The following ZNF789 variants were observed in gnomAD, a reference collection of about 807,000 sequenced individuals.
ZNF789 encodes zinc finger protein 789.
A neutral mutation model predicts 15.6 loss-of-function variants in ZNF789; 11 were observed. The ratio of observed to expected loss-of-function variants is 0.70; its 90% CI spans 0.44 to 1.16. The LOEUF is 1.16. Among genes scored for constraint, ZNF789 ranks in the 50% most tolerant of loss-of-function variants. The probability of loss-of-function intolerance (pLI) is 0.00; values close to 1 mark genes in which losing one functional copy is unlikely to be tolerated. For synonymous variants in ZNF789, 159 were observed against 176.0 expected (o/e 0.90, Z 0.76); for missense variants, 461 against 512.6 (o/e 0.90, Z 0.97).
chr7:99,482,720 G>A (rs1466252095), intron 3 of ZNF789, among the ~76,000 whole-genome samples: 1 of 152,062 alleles, frequency 6.6e-6, no homozygotes, highest in Non-Finnish European at 1.5e-5. Context: ...CAGGCGTGGT[G>A]GCACATGCCT....
At chr7:99,481,878 T>A (rs777734901) in intron 3 of ZNF789, 17 of 391,964 alleles carry the variant, frequency 4.3e-5, no homozygotes, top group Non-Finnish European at 6.9e-5. Flanking sequence ...AAAAATCACC[T>A]GCAGGCCTAC....
chr7:99,483,269 T>G (rs943223495), intron 3 of ZNF789, among the ~76,000 whole-genome samples: 1 of 151,816 alleles, frequency 6.6e-6, no homozygotes, highest in South Asian at 2.1e-4. Flanking sequence ...AATACAAAAA[T>G]TAGCCGGGTG....
intron 4 of ZNF789, 53 bp from the exon 5 acceptor site, chr7:99,486,423 T>C (rs1437271630): frequency 6.6e-7 from 1 of 1,515,684 alleles, no homozygotes; most frequent in Admixed American, 2.3e-5. Flanking sequence ...TCTCTTCCTT[T>C]TTTTCTTCTG....
intron 3 of ZNF789, chr7:99,480,121 T>A (rs985335781): frequency 3.2e-6 from 1 of 316,584 alleles, no homozygotes. Flanking sequence ...AGGTCAGTAG[T>A]TTGAGACCAG....
chr7:99,474,499 C>T (rs893982446), intron 1 of ZNF789, among the ~76,000 whole-genome samples: 1 of 151,572 alleles, frequency 6.6e-6, no homozygotes, highest in Non-Finnish European at 1.5e-5. Context: ...GAAGCTGAGG[C>T]AGGAGAATGG....
chr7:99,482,757 G>A (rs1799716533), intron 3 of ZNF789, among the ~76,000 whole-genome samples: 1 of 152,182 alleles, frequency 6.6e-6, no homozygotes, highest in Non-Finnish European at 1.5e-5. Context: ...CGGAGGCTGA[G>A]GCAGGAGAGA....
At chr7:99,485,758 G>C (rs1799905312) in intron 4 of ZNF789, among the ~76,000 whole-genome samples, 1 of 152,156 alleles carries the variant, frequency 6.6e-6, no homozygotes, top group Non-Finnish European at 1.5e-5. Context: ...CTTGAACCCA[G>C]GAAGTGGAGG....
chr7:99,486,463 G>C lies in ZNF789; in HGVS notation c.266-13G>C. On this transcript the variant is annotated splice_polypyrimidine_tract_variant and intron_variant, in intron 4 of 4. Coordinates refer to ENST00000331410, the MANE Select transcript of ZNF789 (RefSeq NM_213603.3). ...GGATAGGTCATTTACATCTTTTCTT[G>C]TTATTTGGCTAGGTTCTGAAGCCAG... 1 of 1,596,270 alleles carries C rather than the reference G, an allele frequency of 6.3e-7. No homozygotes were observed. The highest frequency in any genetic ancestry group is 8.5e-7 in the Non-Finnish European group (1 of 1,173,060).
intron 1 of ZNF789, among the ~76,000 whole-genome samples, chr7:99,474,821 A>G (rs1211927247): frequency 6.6e-6 from 1 of 151,800 alleles, no homozygotes; most frequent in Non-Finnish European, 1.5e-5. Flanking sequence ...GGCCCCACCT[A>G]CAAAAGAACT....
Position 99,487,051 on chromosome 7 carries a change from A to G in ZNF789, c.841A>G (p.Lys281Glu). The change falls in exon 5 of 5, where the codon AAA becomes GAA. Residue 281 changes from lysine (K) to glutamate (E), a missense_variant. Transcript: ENST00000331410. ...YLVEHKRIHT[K>E]EKPYKCSKCE... ...TGTTGAACATAAGAGGATTCACACCAAAGAAAAACCTTATAAATGTAGCAA... is the reference window on the plus strand; with the variant it reads ...TGTTGAACATAAGAGGATTCACACCGAAGAAAAACCTTATAAATGTAGCAA... The G allele has an allele frequency of 6.2e-7, 1 of 1,614,144 alleles. No homozygotes were observed. Among genetic ancestry groups the G allele is most frequent in the Non-Finnish European group, 8.5e-7 (1 of 1,180,036 alleles).
At chr7:99,482,288 T>C (rs575284007) in intron 3 of ZNF789, 168 of 769,142 alleles carry the variant, frequency 2.2e-4, no homozygotes, top group Middle Eastern at 7.2e-4. Context: ...GTATGAACAT[T>C]GTTCAGGCTT....
Position 99,479,881 on chromosome 7 carries a change from C to T in ZNF789, c.151+94C>T, listed in dbSNP as rs143540745. ...TCTGCAATTCCAGAATCAGAAAAAG[C>T]GGTGAAAACCGAAAGGTTTTTTTAT... On this transcript the variant is annotated intron_variant, in intron 3 of 4. Transcript: ENST00000331410. 205 of 1,454,794 alleles carry T rather than the reference C, an allele frequency of 1.4e-4. 2 individuals are homozygous for T. The African/African-American group carries it at 2.0e-3, about 14-fold the overall frequency. 90.1% of individuals were successfully genotyped at this position (1,454,794 alleles called of 1,614,324 possible). A position where few individuals can be genotyped will look rare whatever the true frequency, so the allele number is the denominator to read the frequency against.
At chr7:99,475,923 G>T (rs1799309618) in intron 1 of ZNF789, among the ~76,000 whole-genome samples, 2 of 150,576 alleles carry the variant, frequency 1.3e-5, no homozygotes, top group Non-Finnish European at 2.9e-5. Flanking sequence ...TCCTGCCTCA[G>T]CCTCCCAAGT....
intron 3 of ZNF789, chr7:99,482,434 A>G (rs529395082): frequency 2.1e-5 from 12 of 576,214 alleles, no homozygotes; most frequent in African/African-American, 1.7e-4. Flanking sequence ...GGAACTCTCC[A>G]CTTTTATCAG....
At chr7:99,483,772 G>C in intron 3 of ZNF789, 1 of 781,036 alleles carries the variant, frequency 1.3e-6, no homozygotes, top group East Asian at 2.4e-5. Flanking sequence ...ATACCACTGT[G>C]CTGAACGTCT....
intron 1 of ZNF789, among the ~76,000 whole-genome samples, chr7:99,473,406 A>G (rs1272327665): frequency 1.3e-5 from 2 of 152,200 alleles, no homozygotes; most frequent in African/African-American, 4.8e-5. Flanking sequence ...CATGCAGAGG[A>G]ACAGCTGGCA....
chr7:99,483,740 T>G (rs543992506), intron 3 of ZNF789: 5 of 781,092 alleles, frequency 6.4e-6, no homozygotes, highest in Admixed American at 3.4e-5. Context: ...GATATTCAGT[T>G]TATTTCCAGT....
chr7:99,486,763 A>C lies in ZNF789; in HGVS notation c.553A>C (p.Arg185=). The C allele has an allele frequency of 1.2e-6, 2 of 1,614,238 alleles. No homozygotes were observed. Among genetic ancestry groups the C allele is most frequent in the Non-Finnish European group, 1.7e-6 (2 of 1,180,044 alleles). ...TGAGGATGGCAAACCCTTCAATCAAAGATCTTTGCTTTTGGGGCATGAGCG... is the reference window on the plus strand; with the variant it reads ...TGAGGATGGCAAACCCTTCAATCAACGATCTTTGCTTTTGGGGCATGAGCG... ...YDEDGKPFNQ[R]SLLLGHERIL... is the part of the protein sequence containing the mutation. Residue 185 remains arginine, a synonymous_variant, in exon 5 of 5, where the codon AGA becomes CGA. Transcript: ENST00000331410.
intron 4 of ZNF789, among the ~76,000 whole-genome samples, chr7:99,485,656 A>G (rs1246179852): frequency 2.0e-5 from 3 of 152,126 alleles, no homozygotes; most frequent in Admixed American, 6.5e-5. Context: ...ACATGGCGAA[A>G]TATCATCTCT....
Sources: gnomAD v4.1 joint callset for allele counts (sites outside exome capture counted in the v4.1 genomes callset) on GRCh38, gnomAD v4.1.1 for gene constraint, MANE v1.5 for transcripts, NCBI Gene and HGNC (gene_info 2026-07-23, HGNC 2026-07-21) for gene names.